The following SLC38A12 variants were observed in gnomAD, a reference collection of about 807,000 sequenced individuals.
The protein encoded by SLC38A12 is putative sodium-coupled neutral amino acid transporter 12.
the SLC38A12 span, chr17:74,819,850 C>T: frequency 6.2e-7 from 1 of 1,612,200 alleles, no homozygotes; most frequent in Non-Finnish European, 8.5e-7. Flanking sequence ...ATCGGTGAGT[C>T]TGAGAAACAG....
chr17:74,780,723 TC>T, the SLC38A12 span, among the ~76,000 whole-genome samples: 4 of 152,098 alleles, frequency 2.6e-5, no homozygotes, highest in Admixed American at 2.6e-4. Context: ...AGTGCCACAG[TC>T]CTGAGAAGGC....
At chr17:74,784,241 T>TG in the SLC38A12 span, among the ~76,000 whole-genome samples, 1 of 151,918 alleles carries the variant, frequency 6.6e-6, no homozygotes, top group Admixed American at 6.6e-5. Flanking sequence ...CAGAAACAGG[T>TG]GGTAAAGCAT....
chr17:74,838,736 G>A, the SLC38A12 span: 3 of 1,448,098 alleles, frequency 2.1e-6, no homozygotes, highest in African/African-American at 2.8e-5. Flanking sequence ...GCCGCTGACG[G>A]CCAATGGGGC....
chr17:74,787,306 G>A, the SLC38A12 span, among the ~76,000 whole-genome samples: 28 of 140,952 alleles, frequency 2.0e-4, no homozygotes, highest in South Asian at 5.9e-3. Context: ...GAGTCTGCTG[G>A]CAGAGTTGTC....
the SLC38A12 span, among the ~76,000 whole-genome samples, chr17:74,803,933 A>G: frequency 6.6e-6 from 1 of 152,242 alleles, no homozygotes; most frequent in Non-Finnish European, 1.5e-5. Flanking sequence ...TTCACAAAAT[A>G]AAAGTGTCAA....
At chr17:74,803,216 G>A in the SLC38A12 span, among the ~76,000 whole-genome samples, 1 of 152,122 alleles carries the variant, frequency 6.6e-6, no homozygotes, top group African/African-American at 2.4e-5. Flanking sequence ...AGAACTTCAG[G>A]AGCCCTTCTC....
chr17:74,823,618 C>A, the SLC38A12 span, among the ~76,000 whole-genome samples: 1 of 152,266 alleles, frequency 6.6e-6, no homozygotes, highest in Non-Finnish European at 1.5e-5. Context: ...TGTGGGATGC[C>A]TGGGTGGCAG....
chr17:74,788,083 C>T, the SLC38A12 span, among the ~76,000 whole-genome samples: 1 of 152,128 alleles, frequency 6.6e-6, no homozygotes, highest in African/African-American at 2.4e-5. Flanking sequence ...CATGAGCCAC[C>T]GCCCCTGGCC....
chr17:74,838,774 A>C, the SLC38A12 span: 3 of 1,478,576 alleles, frequency 2.0e-6, no homozygotes, highest in South Asian at 4.0e-5. Context: ...GAACCCCAAC[A>C]GCAAGAGAGC....
At chr17:74,813,676 T>G in the SLC38A12 span, among the ~76,000 whole-genome samples, 1 of 152,288 alleles carries the variant, frequency 6.6e-6, no homozygotes, top group South Asian at 2.1e-4. Flanking sequence ...AATTTTTGTA[T>G]TTTTAGTAGA....
chr17:74,801,053 C>T, the SLC38A12 span, among the ~76,000 whole-genome samples: 395 of 152,270 alleles, frequency 2.6e-3, 2 homozygotes, highest in Admixed American at 5.3e-3. Context: ...GACTCCAGGA[C>T]GCCTGGAGGG....
the SLC38A12 span, among the ~76,000 whole-genome samples, chr17:74,813,747 C>T: frequency 1.3e-5 from 2 of 151,856 alleles, no homozygotes; most frequent in South Asian, 2.1e-4. Context: ...GTGATCTGCC[C>T]GCCTTGGCCT....
the SLC38A12 span, chr17:74,790,409 T>A: frequency 1.0e-6 from 1 of 966,530 alleles, no homozygotes; most frequent in East Asian, 2.4e-5. Context: ...TTCCTGCCCC[T>A]GGGTTCTGAG....
chr17:74,827,298 CTTT>C, the SLC38A12 span, among the ~76,000 whole-genome samples: 1 of 140,366 alleles, frequency 7.1e-6, no homozygotes. The surrounding 1 kb of genome is among the most constrained non-coding windows in gnomAD (Gnocchi z 4.7). Context: ...CAGTCATCTC[CTTT>C]TTTTTTTTTT....
the SLC38A12 span, chr17:74,836,488 C>A: frequency 1.9e-6 from 3 of 1,610,938 alleles, no homozygotes; most frequent in Non-Finnish European, 2.5e-6. The surrounding 1 kb of genome is among the most constrained non-coding windows in gnomAD (Gnocchi z 4.2). Context: ...TACGCGGGCA[C>A]CGGCATCCAG....
chr17:74,834,985 C>T, the SLC38A12 span, among the ~76,000 whole-genome samples: 445 of 152,356 alleles, frequency 2.9e-3, 5 homozygotes, highest in African/African-American at 9.8e-3. Context: ...CCCTGCGGTG[C>T]GCAGGCTGCC....
chr17:74,836,806 A>G, the SLC38A12 span: 2 of 1,448,426 alleles, frequency 1.4e-6, no homozygotes, highest in Admixed American at 2.7e-5. The surrounding 1 kb of genome is among the most constrained non-coding windows in gnomAD (Gnocchi z 4.2). Flanking sequence ...CTGTGGCTCT[A>G]GGGGAAACCC....
At chr17:74,785,617 G>A in the SLC38A12 span, 7 of 1,611,824 alleles carry the variant, frequency 4.3e-6, no homozygotes, top group Non-Finnish European at 5.9e-6. Flanking sequence ...AGAGGCAGCG[G>A]GGACTTCCCC....
At chr17:74,824,497 A>G in the SLC38A12 span, among the ~76,000 whole-genome samples, 1 of 152,102 alleles carries the variant, frequency 6.6e-6, no homozygotes, top group Non-Finnish European at 1.5e-5. Context: ...TGGCAGCTTC[A>G]TTACTTCAGT....
Sources: gnomAD v4.1 joint callset for allele counts (sites outside exome capture counted in the v4.1 genomes callset) on GRCh38, gnomAD v4.1.1 for gene constraint, Gnocchi (gnomAD v3.1) non-coding constraint, MANE v1.5 for transcripts, NCBI Gene and HGNC (gene_info 2026-07-23, HGNC 2026-07-21) for gene names.